GALNT13: variants seen among roughly 807,000 people sequenced by gnomAD.
GALNT13 encodes UDP-GalNAc:polypeptide N-acetylgalactosaminyltransferase 13.
GALNT13 carries 28 observed loss-of-function variants against 64.2 expected under a neutral mutation model. The ratio of observed to expected loss-of-function variants is 0.44; its 90% CI spans 0.32 to 0.60. GALNT13 has a LOEUF of 0.60. Ranked by LOEUF, GALNT13 falls within the 20% of genes least tolerant of loss-of-function variation. GALNT13 has a pLI of 0.05. For missense variants in GALNT13, 577 were observed against 669.8 expected (o/e 0.86, Z 1.53); for synonymous variants, 214 against 224.6 (o/e 0.95, Z 0.42).
At chr2:153,937,792 A>G (rs1207499375) in intron 2 of GALNT13, among the ~76,000 whole-genome samples, 1 of 152,204 alleles carries the variant, frequency 6.6e-6, no homozygotes, top group Admixed American at 6.5e-5. Flanking sequence ...AAAGGAGTAC[A>G]CGGTTTATGG....
At chr2:153,974,819 C>T (rs1228094247) in intron 3 of GALNT13, among the ~76,000 whole-genome samples, 2 of 151,832 alleles carry the variant, frequency 1.3e-5, no homozygotes, top group Admixed American at 6.6e-5. Flanking sequence ...GTCACTAGGT[C>T]CTAGGAAATT....
chr2:153,502,158 G>A, the GALNT13 span, among the ~76,000 whole-genome samples: 4 of 152,082 alleles, frequency 2.6e-5, no homozygotes, highest in African/African-American at 9.7e-5. Context: ...ATTCTTTAGT[G>A]GTGATTTCTT....
chr2:154,432,794 C>T (rs1443384036), intron 11 of GALNT13, among the ~76,000 whole-genome samples: 1 of 152,288 alleles, frequency 6.6e-6, no homozygotes, highest in Admixed American at 6.5e-5. Flanking sequence ...TCCAGTATGA[C>T]TTCATCATGA....
intron 4 of GALNT13, among the ~76,000 whole-genome samples, chr2:154,213,038 G>A (rs1687863047): frequency 6.6e-6 from 1 of 152,152 alleles, no homozygotes; most frequent in African/African-American, 2.4e-5. Flanking sequence ...TAAAAAGGAA[G>A]AGTGGCTATA....
At chr2:153,302,000 A>G in the GALNT13 span, among the ~76,000 whole-genome samples, 2 of 152,028 alleles carry the variant, frequency 1.3e-5, no homozygotes, top group African/African-American at 4.8e-5. Flanking sequence ...TAAGACTGCA[A>G]TGAACATGGA....
chr2:154,317,087 C>A (rs1398373474), intron 9 of GALNT13, among the ~76,000 whole-genome samples: 1 of 151,984 alleles, frequency 6.6e-6, no homozygotes, highest in Admixed American at 6.6e-5. Context: ...GTGGTATGCA[C>A]CTGTAGTCCC....
the GALNT13 span, among the ~76,000 whole-genome samples, chr2:153,262,704 A>G: frequency 6.6e-6 from 1 of 152,218 alleles, no homozygotes; most frequent in Non-Finnish European, 1.5e-5. Flanking sequence ...CAAAAACCAC[A>G]TGATTATTTT....
At chr2:153,822,995 C>A in the GALNT13 span, among the ~76,000 whole-genome samples, 1 of 152,012 alleles carries the variant, frequency 6.6e-6, no homozygotes, top group Non-Finnish European at 1.5e-5. Flanking sequence ...ACCTGAGAGT[C>A]AATTCAAGAA....
At chr2:154,212,531 A>G (rs938951333) in intron 4 of GALNT13, among the ~76,000 whole-genome samples, 14 of 152,274 alleles carry the variant, frequency 9.2e-5, no homozygotes, top group Non-Finnish European at 1.3e-4. Flanking sequence ...AGCGTGAGCC[A>G]CTGTGCCCAG....
At chr2:153,218,319 C>T in the GALNT13 span, among the ~76,000 whole-genome samples, 1 of 152,150 alleles carries the variant, frequency 6.6e-6, no homozygotes, top group African/African-American at 2.4e-5. Flanking sequence ...GACAATATTA[C>T]CCTGGCTCTC....
intron 3 of GALNT13, among the ~76,000 whole-genome samples, chr2:153,974,050 GC>G (rs1488495103): frequency 6.6e-6 from 1 of 151,988 alleles, no homozygotes; most frequent in African/African-American, 2.4e-5. Context: ...TTGACATTGT[GC>G]TTTTTCCTTT....
Position 154,452,701 on chromosome 2 carries a change from C to G in GALNT13, c.*2150C>G, listed in dbSNP as rs1392395037. 2.0e-5 allele frequency: 3 copies of G among 152,110 alleles called. No individual in the cohort carries two copies. Among genetic ancestry groups the G allele is most frequent in the African/African-American group, 4.8e-5 (2 of 41,440 alleles). The allele number at this position is 152,110 out of a possible 1,614,324, so 9.4% of individuals were successfully genotyped here. On this transcript the variant is annotated 3_prime_UTR_variant, in exon 13 of 13. Transcript: ENST00000392825. The stretch of plus-strand genomic sequence containing the variant: ...TTCATGTTAGAAAAGAATTTTTAAA[C>G]AATCTTCAGATGGCTTGAACACGTG...
intron 3 of GALNT13, among the ~76,000 whole-genome samples, chr2:154,007,475 A>G (rs913279976): frequency 1.3e-5 from 2 of 151,938 alleles, no homozygotes; most frequent in Non-Finnish European, 2.9e-5. Context: ...AGTTCCTTTC[A>G]TTTCTAAACA....
At chr2:153,772,632 A>T in the GALNT13 span, among the ~76,000 whole-genome samples, 1 of 152,242 alleles carries the variant, frequency 6.6e-6, no homozygotes, top group Non-Finnish European at 1.5e-5. Flanking sequence ...GAGACATGCT[A>T]AAAGCCTCTA....
chr2:154,311,201 A>C lies in GALNT13; in HGVS notation c.1156+9612A>C, dbSNP rs115340942. On this transcript the variant is annotated intron_variant, in intron 9 of 12. Coordinates refer to ENST00000392825, the MANE Select transcript of GALNT13 (RefSeq NM_052917.4). ...TTTTTGCATATATATGTGTATAGACATATATGTACATATTTATTTATATTT... is the reference window on the plus strand; with the variant it reads ...TTTTTGCATATATATGTGTATAGACCTATATGTACATATTTATTTATATTT... 8.1e-3 allele frequency among the ~76,000 whole-genome samples: 1,231 copies of C among 152,262 alleles called. 21 individuals are homozygous for C. The highest frequency in any genetic ancestry group is 0.028 in the African/African-American group (1,177 of 41,560).
At chr2:153,960,949 G>A (rs915652595) in intron 3 of GALNT13, among the ~76,000 whole-genome samples, 9 of 152,038 alleles carry the variant, frequency 5.9e-5, no homozygotes, top group African/African-American at 2.2e-4. Context: ...AAATTAATTG[G>A]TAGGAGAAAG....
the GALNT13 span, among the ~76,000 whole-genome samples, chr2:153,523,564 T>C: frequency 2.6e-5 from 4 of 152,296 alleles, no homozygotes; most frequent in Admixed American, 2.0e-4. Context: ...AAGTATCTTA[T>C]TTGAGTGCTA....
At chr2:153,377,280 ACTT>A in the GALNT13 span, among the ~76,000 whole-genome samples, 1 of 152,198 alleles carries the variant, frequency 6.6e-6, no homozygotes, top group Middle Eastern at 3.4e-3. Flanking sequence ...TGAGAAATAA[ACTT>A]CTGTTATTGA....
At position 154,103,045 on chromosome 2, in the gene GALNT13, G is replaced by A. The variant is rs75252536; in HGVS notation, c.143-37292G>A. Among the ~76,000 whole-genome samples the A allele has an allele frequency of 3.9e-3, 595 of 151,798 alleles. 2 individuals carry two copies. Among genetic ancestry groups the A allele is most frequent in the Non-Finnish European group, 6.8e-3 (461 of 67,938 alleles). ...GTTCTCTGTCTTTCTTGTATATGAT[G>A]TCTATATCTCTAGCAAGATCAAGTA... On this transcript the variant is annotated intron_variant, in intron 3 of 12. Coordinates refer to ENST00000392825, the MANE Select transcript of GALNT13 (RefSeq NM_052917.4).
Sources: gnomAD v4.1 joint callset for allele counts (sites outside exome capture counted in the v4.1 genomes callset) on GRCh38, gnomAD v4.1.1 for gene constraint, MANE v1.5 for transcripts, NCBI Gene and HGNC (gene_info 2026-07-23, HGNC 2026-07-21) for gene names.